Variants in ATP2B4 observed in about 807,000 individuals in gnomAD.
ATP2B4 encodes ATPase plasma membrane Ca2+ transporting 4.
ATP2B4 carries 39 observed loss-of-function variants against 110.3 expected under a neutral mutation model. The observed-to-expected ratio is 0.35, with a 90% CI of 0.27 to 0.46. ATP2B4 has a LOEUF of 0.46. ATP2B4 is among the 20% of genes least tolerant of loss of function. The probability of loss-of-function intolerance (pLI) is 1.00; values close to 1 mark genes in which losing one functional copy is unlikely to be tolerated. For missense variants in ATP2B4, 1,135 were observed against 1,530.9 expected (o/e 0.74, Z 4.32); for synonymous variants, 538 against 571.7 (o/e 0.94, Z 0.84).
intron 2 of ATP2B4, among the ~76,000 whole-genome samples, chr1:203,695,527 C>T (rs1324269129): frequency 6.6e-6 from 1 of 152,128 alleles, no homozygotes; most frequent in African/African-American, 2.4e-5. Flanking sequence ...AAGCTGGAGG[C>T]CAGGGTGATG....
intron 6 of ATP2B4, among the ~76,000 whole-genome samples, chr1:203,701,750 C>T (rs1174927122): frequency 6.6e-6 from 1 of 152,130 alleles, no homozygotes. Flanking sequence ...CTTCCTAATC[C>T]CCACCCCATT....
rs144573878 is a variant in ATP2B4, at chr1:203,722,427, C to T, written c.2813-51C>T. The T allele has an allele frequency of 8.1e-3, 11,445 of 1,418,980 alleles. 80 individuals are homozygous for T. The highest frequency in any genetic ancestry group is 0.025 in the Middle Eastern group (142 of 5,696). 87.9% of individuals were successfully genotyped at this position (1,418,980 alleles called of 1,614,324 possible). On this transcript the variant is annotated intron_variant, in intron 17 of 20. Transcript: ENST00000357681. ...GTATATCTGTACCAACACATTCTTA[C>T]TCTTAGTTCAGACCACACTTAACCT...
chr1:203,717,665 G>A (rs894200395), intron 15 of ATP2B4, among the ~76,000 whole-genome samples: 13 of 69,414 alleles, frequency 1.9e-4, no homozygotes, highest in East Asian at 1.1e-3. Flanking sequence ...TTTATGAGAC[G>A]GGGCCTTGCT....
chr1:203,736,888 G>A (rs556736933), intron 20 of ATP2B4, among the ~76,000 whole-genome samples: 2 of 152,128 alleles, frequency 1.3e-5, no homozygotes, highest in South Asian at 2.1e-4. Flanking sequence ...GGGCATCCTG[G>A]CACAGCCCCA....
At chr1:203,633,268 ACAGGGAGGAG>A (rs1663331362) in intron 1 of ATP2B4, among the ~76,000 whole-genome samples, 1 of 152,198 alleles carries the variant, frequency 6.6e-6, no homozygotes, top group Non-Finnish European at 1.5e-5. Flanking sequence ...GTTGACATGG[ACAGGGAGGAG>A]CAGGGAGGGA....
intron 1 of ATP2B4, among the ~76,000 whole-genome samples, chr1:203,652,669 T>G (rs1008989751): frequency 1.3e-5 from 2 of 152,186 alleles, no homozygotes; most frequent in African/African-American, 4.8e-5. Context: ...GTTTCAAAGT[T>G]TTTCATTATT....
chr1:203,731,134 G>T (rs1354524452), intron 20 of ATP2B4, among the ~76,000 whole-genome samples: 2 of 152,044 alleles, frequency 1.3e-5, no homozygotes, highest in African/African-American at 4.8e-5. Context: ...TGGAACCCCC[G>T]CACCCACCCC....
Position 203,698,205 on chromosome 1 carries a change from G to C in ATP2B4, c.242G>C (p.Gly81Ala). 6.2e-7 allele frequency: 1 copy of C among 1,614,108 alleles called. No homozygotes were observed. Among genetic ancestry groups the C allele is most frequent in the East Asian group, 2.2e-5 (1 of 44,886 alleles). Reference sequence around the variant, plus strand: ...CTGGAGAAACGTAGGCAGGTGTTTGGACACAACGTGATCCCCCCCAAAAAG... The same window carrying C: ...CTGGAGAAACGTAGGCAGGTGTTTGCACACAACGTGATCCCCCCCAAAAAG... ...ADLEKRRQVF[G>A]HNVIPPKKPK... Residue 81 changes from glycine to alanine, a missense_variant, in exon 3 of 21, where the codon GGA (glycine) becomes GCA (alanine). Gly to Ala is a moderately conservative substitution (Grantham distance 60). Coordinates refer to ENST00000357681, the MANE Select transcript of ATP2B4 (RefSeq NM_001684.5).
At chr1:203,706,296 A>G (rs966260412) in intron 8 of ATP2B4, among the ~76,000 whole-genome samples, 2 of 152,202 alleles carry the variant, frequency 1.3e-5, no homozygotes, top group Admixed American at 6.5e-5. Flanking sequence ...TTACTCTACC[A>G]ATGGGCCATA....
At chr1:203,722,000 C>G (rs1008600534) in intron 17 of ATP2B4, among the ~76,000 whole-genome samples, 10 of 151,984 alleles carry the variant, frequency 6.6e-5, no homozygotes, top group Non-Finnish European at 8.8e-5. Context: ...AACCTCAGGT[C>G]CCATAATGAG....
chr1:203,713,047 T>C (rs748540222), intron 13 of ATP2B4, 118 bp from the exon 14 acceptor site: 102 of 1,050,984 alleles, frequency 9.7e-5, no homozygotes, highest in Non-Finnish European at 1.3e-4. Flanking sequence ...AATAACACTT[T>C]CATGTGGGAC....
Position 203,739,542 on chromosome 1 carries a change from A to G in ATP2B4, c.3310-4A>G, listed in dbSNP as rs1238210483. ...TCATCCTCCTTTTCCTTCCCCTGGTATAGATCAAAGTGGTCAAAGCGTTCC... is the reference window on the plus strand; with the variant it reads ...TCATCCTCCTTTTCCTTCCCCTGGTGTAGATCAAAGTGGTCAAAGCGTTCC... On this transcript the variant is annotated splice_region_variant and splice_polypyrimidine_tract_variant and intron_variant, in intron 20 of 20. Transcript: ENST00000357681. The G allele has an allele frequency of 1.9e-6, 3 of 1,611,722 alleles. No individual in the cohort carries two copies. The highest frequency in any genetic ancestry group is 2.5e-6 in the Non-Finnish European group (3 of 1,178,496).
At chr1:203,678,148 C>T (rs572619269) in intron 1 of ATP2B4, among the ~76,000 whole-genome samples, 23 of 152,200 alleles carry the variant, frequency 1.5e-4, no homozygotes, top group Non-Finnish European at 3.1e-4. Flanking sequence ...TCAATAGGAG[C>T]ATTTAGTAGC....
At chr1:203,656,562 A>G (rs560467084) in intron 1 of ATP2B4, among the ~76,000 whole-genome samples, 22 of 152,356 alleles carry the variant, frequency 1.4e-4, no homozygotes, top group African/African-American at 5.0e-4. Flanking sequence ...TGTAAACTTA[A>G]CATCTGTATT....
chr1:203,721,543 C>T lies in ATP2B4; in HGVS notation c.2812+133C>T, dbSNP rs561270208. 3.0e-4 allele frequency: 250 copies of T among 842,554 alleles called. 1 individual carries two copies. The Admixed American group carries it at 5.4e-3, about 18-fold the overall frequency. 52.2% of individuals were successfully genotyped at this position (842,554 alleles called of 1,614,324 possible). A position where few individuals can be genotyped will look rare whatever the true frequency, so the allele number is the denominator to read the frequency against. ...CACCTCCCAGTGCTTGCTGTGCTCC[C>T]GCTACACGGTGCATTATGCTACTAT... On this transcript the variant is annotated intron_variant, in intron 17 of 20. Coordinates refer to ENST00000357681, the MANE Select transcript of ATP2B4 (RefSeq NM_001684.5).
chr1:203,685,718 C>G (rs1382602762), intron 2 of ATP2B4, among the ~76,000 whole-genome samples: 4 of 152,194 alleles, frequency 2.6e-5, no homozygotes, highest in African/African-American at 9.7e-5. Flanking sequence ...AACTAAGTAG[C>G]CCTCTACAGT....
Position 203,742,346 on chromosome 1 carries a change from T to G in ATP2B4, c.*2492T>G, listed in dbSNP as rs1243811491. The G allele has an allele frequency of 6.6e-6, 1 of 152,662 alleles. No individual in the cohort carries two copies. Among genetic ancestry groups the G allele is most frequent in the African/African-American group, 2.4e-5 (1 of 41,456 alleles). The allele number at this position is 152,662 out of a possible 1,614,324, so 9.5% of individuals were successfully genotyped here. On this transcript the variant is annotated 3_prime_UTR_variant, in exon 21 of 21. Transcript: ENST00000357681. The stretch of plus-strand genomic sequence containing the variant: ...ATTGTTGGGTTCTAGACTTTTTTAA[T>G]ATAAATTTTGTTGATATGGAATTAG...
rs575974752 is a variant in ATP2B4 at position 203,627,181 on chromosome 1, T to G, written c.-503T>G. The G allele has an allele frequency of 6.6e-6, 1 of 152,182 alleles. No homozygotes were observed. The highest frequency in any genetic ancestry group is 2.4e-5 in the African/African-American group (1 of 41,494). 9.4% of individuals were successfully genotyped at this position (152,182 alleles called of 1,614,324 possible). On this transcript the variant is annotated 5_prime_UTR_variant, in exon 1 of 21. Coordinates refer to ENST00000357681, the MANE Select transcript of ATP2B4 (RefSeq NM_001684.5). ...CATCCATGGAAACCCGGAGGGAGAG[T>G]CCCGCCTGAAGAAACCTGGATCTTT...
intron 2 of ATP2B4, among the ~76,000 whole-genome samples, chr1:203,695,680 G>A (rs1391488975): frequency 2.0e-5 from 3 of 151,990 alleles, no homozygotes; most frequent in East Asian, 1.9e-4. Flanking sequence ...GCATAGGTGT[G>A]GATGCTAGTT....
Sources: gnomAD v4.1 joint callset for allele counts (sites outside exome capture counted in the v4.1 genomes callset) on GRCh38, gnomAD v4.1.1 for gene constraint, MANE v1.5 for transcripts, NCBI Gene and HGNC (gene_info 2026-07-23, HGNC 2026-07-21) for gene names.